Variants in STOX2 observed in about 807,000 individuals in gnomAD.
STOX2 encodes the protein storkhead-box protein 2.
A neutral mutation model predicts 60.9 loss-of-function variants in STOX2; 28 were observed. The ratio of observed to expected loss-of-function variants is 0.46; its 90% CI spans 0.34 to 0.63. STOX2 has a LOEUF of 0.63. STOX2 is among the 30% of genes least tolerant of loss of function. The probability of loss-of-function intolerance (pLI) is 0.01; values close to 1 mark genes in which losing one functional copy is unlikely to be tolerated. For synonymous variants in STOX2, 472 were observed against 463.9 expected (o/e 1.02, Z -0.22); for missense variants, 1,024 against 1,187.7 (o/e 0.86, Z 2.03).
At chr4:183,892,307 C>T (rs1356134578) in intron 1 of STOX2, among the ~76,000 whole-genome samples, 2 of 152,178 alleles carry the variant, frequency 1.3e-5, no homozygotes, top group African/African-American at 2.4e-5. Context: ...GAGACGGAGT[C>T]TCGCTCTGTC....
At chr4:183,860,860 C>T (rs1381217042) in intron 1 of STOX2, among the ~76,000 whole-genome samples, 4 of 152,284 alleles carry the variant, frequency 2.6e-5, no homozygotes, top group African/African-American at 9.6e-5. Context: ...CATTTCCATC[C>T]GAGTTTCCGT....
intron 1 of STOX2, among the ~76,000 whole-genome samples, chr4:183,990,808 G>A (rs550938622): frequency 5.9e-5 from 9 of 151,984 alleles, no homozygotes; most frequent in Admixed American, 3.9e-4. Context: ...AAGGACAAAT[G>A]AGCATGTGGA....
intron 1 of STOX2, among the ~76,000 whole-genome samples, chr4:183,984,728 C>T (rs1579505057): frequency 6.6e-6 from 1 of 152,316 alleles, no homozygotes; most frequent in East Asian, 1.9e-4. Flanking sequence ...AGGACGCAGG[C>T]GAGTGCCAAG....
At chr4:183,969,947 T>G (rs923101137) in intron 1 of STOX2, among the ~76,000 whole-genome samples, 2 of 152,228 alleles carry the variant, frequency 1.3e-5, no homozygotes, top group Non-Finnish European at 2.9e-5. Flanking sequence ...AGGTGTTAAA[T>G]TTACATATCT....
At chr4:183,940,951 A>G (rs1742737811) in intron 1 of STOX2, among the ~76,000 whole-genome samples, 1 of 152,222 alleles carries the variant, frequency 6.6e-6, no homozygotes, top group Non-Finnish European at 1.5e-5. Flanking sequence ...TGCCACGAAA[A>G]TGAAACATTC....
intron 1 of STOX2, among the ~76,000 whole-genome samples, chr4:183,955,515 G>A (rs1014037536): frequency 2.0e-5 from 3 of 152,138 alleles, no homozygotes; most frequent in South Asian, 2.1e-4. Context: ...CTTTGAGAGC[G>A]CCCTGTCCTC....
At position 183,999,680 on chromosome 4, in the gene STOX2, G is replaced by A. The variant is rs112314493; in HGVS notation, c.167-1645G>A. Reference sequence around the variant, plus strand: ...CCGAGGCACCTGTTGGACTCTCCCCGTACGTGCTGATCTTTGTCCCAGGCC... The same window carrying A: ...CCGAGGCACCTGTTGGACTCTCCCCATACGTGCTGATCTTTGTCCCAGGCC... On this transcript the variant is annotated intron_variant, in intron 1 of 3. Transcript: ENST00000308497. 6.9e-4 allele frequency among the ~76,000 whole-genome samples: 105 copies of A among 152,292 alleles called. 1 individual carries two copies. The highest frequency in any genetic ancestry group is 2.3e-3 in the African/African-American group (94 of 41,546).
intron 1 of STOX2, among the ~76,000 whole-genome samples, chr4:183,833,944 T>A (rs1242514782): frequency 7.4e-6 from 1 of 134,370 alleles, no homozygotes; most frequent in Admixed American, 9.2e-5. Context: ...ATCCCGCCAC[T>A]GCACTCCAGC....
intron 1 of STOX2, among the ~76,000 whole-genome samples, chr4:183,994,594 C>G (rs1733253476): frequency 6.6e-6 from 1 of 152,182 alleles, no homozygotes; most frequent in African/African-American, 2.4e-5. Flanking sequence ...CATATAGGAT[C>G]ACAGGATTTA....
intron 1 of STOX2, among the ~76,000 whole-genome samples, chr4:183,937,750 C>T (rs1363068309): frequency 6.6e-6 from 1 of 151,992 alleles, no homozygotes. Flanking sequence ...TTGATTTCAT[C>T]AATAGATGAT....
At position 183,947,082 on chromosome 4, in the gene STOX2, G is replaced by A. The variant is rs963879120; in HGVS notation, c.166+40126G>A. ...TCCGTGGATTTCGGTATCCTGGTGG[G>A]GGGTGGGGCAAGGGGGCTCCTGGAA... On this transcript the variant is annotated intron_variant, in intron 1 of 3. Transcript: ENST00000308497. 6.8e-4 allele frequency among the ~76,000 whole-genome samples: 26 copies of A among 38,180 alleles called. No individual in the cohort carries two copies. In the East Asian group the frequency reaches 9.9e-3, roughly 14 times the overall value. 25.0% of individuals were successfully genotyped at this position (38,180 alleles called of 152,430 possible).
chr4:183,881,470 T>C (rs550318618), intron 1 of STOX2, among the ~76,000 whole-genome samples: 1 of 152,222 alleles, frequency 6.6e-6, no homozygotes, highest in Non-Finnish European at 1.5e-5. Context: ...CCACTGCACT[T>C]CAGCCTGGCG....
chr4:183,858,984 A>G (rs897506722), intron 1 of STOX2, among the ~76,000 whole-genome samples: 3 of 152,162 alleles, frequency 2.0e-5, no homozygotes, highest in African/African-American at 7.2e-5. Context: ...TGAAAAGCAC[A>G]GGCAGCTTCC....
chr4:184,011,488 C>A lies in STOX2; in HGVS notation c.2585+65C>A. On this transcript the variant is annotated intron_variant, in intron 3 of 3. Coordinates refer to ENST00000308497, the MANE Select transcript of STOX2 (RefSeq NM_020225.3). The surrounding 1 kb of genome is among the most constrained non-coding windows in gnomAD (Gnocchi z 4.4). ...GGGGCCTGGGGCTTTATGCACGTAACTTGACAAGTTTCTGATTTCGTAGTC... is the reference window on the plus strand; with the variant it reads ...GGGGCCTGGGGCTTTATGCACGTAAATTGACAAGTTTCTGATTTCGTAGTC... The A allele has an allele frequency of 6.3e-7, 1 of 1,585,860 alleles. No homozygotes were observed. The highest frequency in any genetic ancestry group is 8.6e-7 in the Non-Finnish European group (1 of 1,163,594).
intron 1 of STOX2, among the ~76,000 whole-genome samples, chr4:183,862,958 G>C (rs947591858): frequency 6.6e-6 from 1 of 152,132 alleles, no homozygotes; most frequent in African/African-American, 2.4e-5. Flanking sequence ...CCTAAGGCTT[G>C]TTGCAGAACT....
chr4:183,976,640 AC>A (rs1732461005), intron 1 of STOX2, among the ~76,000 whole-genome samples: 1 of 152,138 alleles, frequency 6.6e-6, no homozygotes, highest in South Asian at 2.1e-4. Flanking sequence ...GATCACTCAT[AC>A]CCCAAACCTC....
chr4:183,839,454 T>C (rs58725886), intron 1 of STOX2, among the ~76,000 whole-genome samples: 7,367 of 152,260 alleles, frequency 0.048, 562 homozygotes, highest in African/African-American at 0.17. Context: ...AGTTTATTTT[T>C]ACTCTGAACC....
chr4:183,837,990 A>G (rs1739757057), intron 1 of STOX2, among the ~76,000 whole-genome samples: 1 of 152,168 alleles, frequency 6.6e-6, no homozygotes, highest in South Asian at 2.1e-4. Context: ...GTTCTGAGAT[A>G]GCACATATTC....
intron 1 of STOX2, among the ~76,000 whole-genome samples, chr4:183,828,376 G>C (rs1560834325): frequency 6.6e-6 from 1 of 152,216 alleles, no homozygotes; most frequent in Admixed American, 6.5e-5. Context: ...AAGAGGATGG[G>C]TGTGGCTCGG....
Sources: allele counts gnomAD v4.1 joint callset (sites outside exome capture counted in the v4.1 genomes callset), GRCh38; gene constraint gnomAD v4.1.1; non-coding constraint Gnocchi (gnomAD v3.1); transcripts MANE v1.5; gene names NCBI Gene and HGNC (gene_info 2026-07-23, HGNC 2026-07-21).